NRXN3: variants seen among roughly 807,000 people sequenced by gnomAD.
The protein encoded by NRXN3 is neurexin III.
A neutral mutation model predicts 137.6 loss-of-function variants in NRXN3; 32 were observed. The observed-to-expected ratio is 0.23, with a 90% confidence interval of 0.18 to 0.31. The LOEUF (loss-of-function observed/expected upper bound fraction) is 0.31, where lower values mean the gene tolerates loss of function less well. Among genes scored for constraint, NRXN3 ranks in the 10% least tolerant of loss-of-function variants. The probability of loss-of-function intolerance (pLI) is 1.00; values close to 1 mark genes in which losing one functional copy is unlikely to be tolerated. For missense variants in NRXN3, 1,574 were observed against 2,062.5 expected, an observed-to-expected ratio of 0.76 and a Z score of 4.59; for synonymous variants, 798 against 784.5, an observed-to-expected ratio of 1.02 and a Z score of -0.29.
At chr14:79,297,023 C>A (rs1256156576) in intron 15 of NRXN3, among the ~76,000 whole-genome samples, 1 of 152,166 alleles carries the variant, frequency 6.6e-6, no homozygotes, top group Non-Finnish European at 1.5e-5. Context: ...ACAGACTTGC[C>A]TTTGCTTATC....
chr14:79,770,552 A>C (rs2099073904), intron 19 of NRXN3, among the ~76,000 whole-genome samples: 1 of 147,856 alleles, frequency 6.8e-6, no homozygotes, highest in Non-Finnish European at 1.5e-5. Flanking sequence ...TGAAGGCAGA[A>C]ATAAAGATGT....
At chr14:79,468,337 C>A (rs1433201725) in intron 16 of NRXN3, among the ~76,000 whole-genome samples, 1 of 152,182 alleles carries the variant, frequency 6.6e-6, no homozygotes, top group African/African-American at 2.4e-5. Flanking sequence ...AGATATGATT[C>A]TCATCCATAA....
rs1603481564 is a variant in NRXN3, at chr14:79,772,961, G to T, written c.4015-32151G>T. Reference sequence around the variant, plus strand: ...AAACATACAACCCCATCAAAAAGTGGGCAAAGGATATGAACAGACACTTCT... The same window carrying T: ...AAACATACAACCCCATCAAAAAGTGTGCAAAGGATATGAACAGACACTTCT... On this transcript the variant is annotated intron_variant, in intron 19 of 20. Coordinates refer to ENST00000335750, the MANE Select transcript of NRXN3 (RefSeq NM_001330195.2). Among the ~76,000 whole-genome samples the T allele has an allele frequency of 2.0e-5, 3 of 152,128 alleles. No homozygotes were observed. The East Asian group carries it at 5.8e-4, about 29-fold the overall frequency.
intron 15 of NRXN3, among the ~76,000 whole-genome samples, chr14:79,168,392 T>G (rs2061478505): frequency 6.6e-6 from 1 of 152,078 alleles, no homozygotes; most frequent in Admixed American, 6.6e-5. Flanking sequence ...ATAGATAGTA[T>G]AGGGGAATAT....
chr14:78,861,716 T>C (rs983436638), intron 10 of NRXN3, among the ~76,000 whole-genome samples: 3 of 152,114 alleles, frequency 2.0e-5, no homozygotes, highest in Non-Finnish European at 2.9e-5. Flanking sequence ...GTGATGTATG[T>C]TTAGTCTGTA....
chr14:78,669,913 A>T (rs56830762), intron 6 of NRXN3, among the ~76,000 whole-genome samples: 1 of 151,994 alleles, frequency 6.6e-6, no homozygotes, highest in African/African-American at 2.4e-5. Flanking sequence ...CAGAACGTAC[A>T]GTTTTGTTAC....
intron 8 of NRXN3, among the ~76,000 whole-genome samples, chr14:78,716,099 C>T (rs1342538653): frequency 6.6e-6 from 1 of 152,120 alleles, no homozygotes; most frequent in African/African-American, 2.4e-5. Flanking sequence ...TGAGGGCTGA[C>T]CCTGTAGACT....
intron 4 of NRXN3, among the ~76,000 whole-genome samples, chr14:78,426,815 G>A (rs548605700): frequency 1.3e-5 from 2 of 152,184 alleles, no homozygotes; most frequent in South Asian, 2.1e-4. Flanking sequence ...TATTCAACAT[G>A]CCAAAGTGCT....
intron 4 of NRXN3, among the ~76,000 whole-genome samples, chr14:78,447,417 A>G (rs1163577571): frequency 6.6e-6 from 1 of 152,258 alleles, no homozygotes; most frequent in Non-Finnish European, 1.5e-5. Context: ...GAAATCAAAC[A>G]AACAGATAAA....
intron 8 of NRXN3, among the ~76,000 whole-genome samples, chr14:78,777,875 A>G (rs986013324): frequency 6.6e-6 from 1 of 152,040 alleles, no homozygotes; most frequent in African/African-American, 2.4e-5. Flanking sequence ...TGATCCTCTC[A>G]CCTTAGCATC....
intron 4 of NRXN3, among the ~76,000 whole-genome samples, chr14:78,455,853 A>T (rs1481151327): frequency 4.6e-5 from 7 of 152,114 alleles, no homozygotes; most frequent in Admixed American, 4.6e-4. Flanking sequence ...GGGCCCAAGG[A>T]CATCTCACAT....
intron 4 of NRXN3, among the ~76,000 whole-genome samples, chr14:78,620,988 A>G (rs756732173): frequency 1.7e-4 from 26 of 152,314 alleles, no homozygotes; most frequent in Non-Finnish European, 3.1e-4. Flanking sequence ...CTTTCTCTCC[A>G]GCTTCAGAAG....
intron 15 of NRXN3, among the ~76,000 whole-genome samples, chr14:79,330,068 G>C (rs1341350810): frequency 6.6e-6 from 1 of 152,044 alleles, no homozygotes; most frequent in African/African-American, 2.4e-5. Context: ...TTGACCTCAT[G>C]ATCTGCCCGC....
chr14:79,175,538 T>C (rs1287503430), intron 15 of NRXN3, among the ~76,000 whole-genome samples: 3 of 152,234 alleles, frequency 2.0e-5, no homozygotes, highest in Non-Finnish European at 4.4e-5. Context: ...TTTTAATACA[T>C]GAATAGGACA....
intron 4 of NRXN3, among the ~76,000 whole-genome samples, chr14:78,382,868 G>A (rs541960083): frequency 6.6e-6 from 1 of 152,266 alleles, no homozygotes; most frequent in South Asian, 2.1e-4. Flanking sequence ...ATAAGGTGCT[G>A]CAAGGTCTGT....
intron 11 of NRXN3, among the ~76,000 whole-genome samples, chr14:78,963,961 G>C (rs2152988686): frequency 6.6e-6 from 1 of 151,914 alleles, no homozygotes; most frequent in Admixed American, 6.6e-5. Flanking sequence ...TAGAGACTGG[G>C]TCTTGCTATA....
At chr14:78,870,269 G>A (rs957350135) in intron 10 of NRXN3, among the ~76,000 whole-genome samples, 19 of 152,256 alleles carry the variant, frequency 1.2e-4, no homozygotes, top group Non-Finnish European at 2.2e-4. Context: ...GGTATTTCCC[G>A]TTAAGCACAA....
Position 79,448,995 on chromosome 14 carries a change from C to A in NRXN3, c.3263-18226C>A, listed in dbSNP as rs2096118748. Among the ~76,000 whole-genome samples the A allele has an allele frequency of 2.0e-5, 3 of 152,080 alleles. No individual in the cohort carries two copies. The South Asian group carries it at 6.2e-4, about 32-fold the overall frequency. Reference sequence around the variant, plus strand: ...CACAGTCAGTATATCAAAATAAGCGCTTTATTGAGTAGGGTAAAAGGAGTT... The same window carrying A: ...CACAGTCAGTATATCAAAATAAGCGATTTATTGAGTAGGGTAAAAGGAGTT... On this transcript the variant is annotated intron_variant, in intron 15 of 20. Coordinates refer to ENST00000335750, the MANE Select transcript of NRXN3 (RefSeq NM_001330195.2).
chr14:78,821,184 AC>A (rs1450633628), intron 10 of NRXN3, among the ~76,000 whole-genome samples: 1 of 152,186 alleles, frequency 6.6e-6, no homozygotes, highest in African/African-American at 2.4e-5. Flanking sequence ...TTTTACCTAA[AC>A]CGATGAATAG....
Sources: allele counts gnomAD v4.1 joint callset (sites outside exome capture counted in the v4.1 genomes callset), GRCh38; gene constraint gnomAD v4.1.1; transcripts MANE v1.5; gene names NCBI Gene and HGNC (gene_info 2026-07-23, HGNC 2026-07-21).